The following SIK2 variants were observed in gnomAD, a reference collection of about 807,000 sequenced individuals.
SIK2 encodes the protein salt inducible kinase 2.
Under a neutral mutation model 103.2 loss-of-function variants are expected in SIK2, and 29 were observed. The ratio of observed to expected loss-of-function variants is 0.28; its 90% CI spans 0.21 to 0.38. SIK2 has a LOEUF of 0.38. Among genes scored for constraint, SIK2 ranks in the 10% least tolerant of loss-of-function variants. The pLI is 1.00. For missense variants in SIK2, 879 were observed against 1,171.0 expected (o/e 0.75, Z 3.64); for synonymous variants, 412 against 446.1 (o/e 0.92, Z 0.96).
rs191820653 is a variant in SIK2 at position 111,645,316 on chromosome 11, T to C, written c.316+24914T>C. 9.9e-3 allele frequency among the ~76,000 whole-genome samples: 1,501 copies of C among 152,172 alleles called. 8 individuals carry two copies. The highest frequency in any genetic ancestry group is 0.015 in the Non-Finnish European group (1,019 of 68,016). On this transcript the variant is annotated intron_variant, in intron 3 of 14. Coordinates refer to ENST00000304987, the MANE Select transcript of SIK2 (RefSeq NM_015191.3). ...TAGTTCAAAACTGGAAACAACAAAA[T>C]GTCCATCAACAGTAGAATGGCTCAA...
At chr11:111,670,493 T>A (rs1313445309) in intron 3 of SIK2, among the ~76,000 whole-genome samples, 1 of 152,212 alleles carries the variant, frequency 6.6e-6, no homozygotes, top group Non-Finnish European at 1.5e-5. Flanking sequence ...GCTTGTCTGG[T>A]TAATAGACAC....
At position 111,727,336 on chromosome 11, in the gene SIK2, G is replaced by A; in HGVS notation, c.*3207G>A. The A allele has an allele frequency of 2.1e-6, 1 of 467,732 alleles. No homozygotes were observed. The highest frequency in any genetic ancestry group is 3.8e-6 in the Non-Finnish European group (1 of 261,332). 29.0% of individuals were successfully genotyped at this position (467,732 alleles called of 1,614,324 possible). A position where few individuals can be genotyped will look rare whatever the true frequency, so the allele number is the denominator to read the frequency against. On this transcript the variant is annotated 3_prime_UTR_variant, in exon 15 of 15. Transcript: ENST00000304987. ...CTCTTCCATCCACTTTTGCCTCCTA[G>A]GAAAGAAAAAGTCAGTGGCCCTTTC...
intron 3 of SIK2, among the ~76,000 whole-genome samples, chr11:111,676,988 C>T (rs1361835782): frequency 6.6e-6 from 1 of 152,126 alleles, no homozygotes; most frequent in African/African-American, 2.4e-5. Flanking sequence ...AGTAGTTCAG[C>T]TTAGAGTGAC....
intron 8 of SIK2, among the ~76,000 whole-genome samples, chr11:111,708,943 A>G (rs1051548917): frequency 5.9e-5 from 9 of 152,176 alleles, no homozygotes; most frequent in African/African-American, 2.2e-4. Context: ...TTCCACTGCA[A>G]GTTTCCATCA....
intron 3 of SIK2, chr11:111,672,406 G>A: frequency 2.5e-6 from 1 of 407,670 alleles, no homozygotes. Flanking sequence ...GATGGACACA[G>A]TGGAGGCAGG....
chr11:111,685,538 T>C (rs1380940661), intron 3 of SIK2, among the ~76,000 whole-genome samples: 1 of 152,120 alleles, frequency 6.6e-6, no homozygotes, highest in Non-Finnish European at 1.5e-5. Flanking sequence ...TGGCATTTAA[T>C]TAGAGTTTCG....
chr11:111,675,298 A>G (rs1942687960), intron 3 of SIK2, among the ~76,000 whole-genome samples: 1 of 152,148 alleles, frequency 6.6e-6, no homozygotes, highest in Non-Finnish European at 1.5e-5. Flanking sequence ...GATATGCACC[A>G]CCTATTCTAC....
chr11:111,720,974 T>C lies in SIK2; in HGVS notation c.1856T>C (p.Leu619Ser). 6.2e-7 allele frequency: 1 copy of C among 1,614,176 alleles called. No homozygotes were observed. The highest frequency in any genetic ancestry group is 8.5e-7 in the Non-Finnish European group (1 of 1,180,020). The change falls in exon 12 of 15, where the codon TTG becomes TCG. Residue 619 changes from leucine to serine, a missense_variant. Around this residue, in one of 7 missense-constraint regions of SIK2, gnomAD observed 375 missense variants for 416.3 expected, o/e 0.90. Transcript: ENST00000304987. ...ATTCTAGAGTTGAACAAAGTGCAGT[T>C]GTTGTATGAACAAATAGGACCGGAG... The part of the protein sequence containing the change: ...KGILELNKVQ[L>S]LYEQIGPEAD...
chr11:111,702,022 T>G (rs1158958058), intron 6 of SIK2, among the ~76,000 whole-genome samples: 2 of 152,236 alleles, frequency 1.3e-5, no homozygotes, highest in African/African-American at 2.4e-5. Flanking sequence ...GTTACCTAGA[T>G]AGCAGTTAAG....
chr11:111,656,561 A>G (rs1942394245), intron 3 of SIK2, among the ~76,000 whole-genome samples: 1 of 152,188 alleles, frequency 6.6e-6, no homozygotes, highest in Admixed American at 6.5e-5. Flanking sequence ...ATGTTTTTAG[A>G]GAAACTCATT....
At chr11:111,692,378 A>AAAAAAAAAAAAAAAAAAAAAAAAAAAAC in intron 4 of SIK2, among the ~76,000 whole-genome samples, 1 of 144,338 alleles carries the variant, frequency 6.9e-6, no homozygotes, top group Non-Finnish European at 1.5e-5. Flanking sequence ...AAAAAAAAAA[A>AAAAAAAAAAAAAAAAAAAAAAAAAAAAC]AAAAAAAAAA....
intron 1 of SIK2, among the ~76,000 whole-genome samples, chr11:111,613,117 T>C (rs2135833138): frequency 6.6e-6 from 1 of 152,042 alleles, no homozygotes; most frequent in East Asian, 1.9e-4. Flanking sequence ...CATATATTTT[T>C]CACTTTTTCA....
chr11:111,670,444 T>G (rs990219076), intron 3 of SIK2, among the ~76,000 whole-genome samples: 1 of 152,250 alleles, frequency 6.6e-6, no homozygotes, highest in African/African-American at 2.4e-5. Flanking sequence ...TTTCAAAGAA[T>G]CAAATCCAAA....
At chr11:111,652,518 A>T (rs1326439336) in intron 3 of SIK2, among the ~76,000 whole-genome samples, 1 of 152,184 alleles carries the variant, frequency 6.6e-6, no homozygotes, top group Non-Finnish European at 1.5e-5. Context: ...AAAAACATGG[A>T]TCACTTAGAT....
Position 111,714,472 on chromosome 11 carries a change from T to C in SIK2, c.1266+2097T>C, listed in dbSNP as rs117557096. On this transcript the variant is annotated intron_variant, in intron 9 of 14. Transcript: ENST00000304987. ...AAGTTAGCCTGCATATCACTGTGTGTGCCCCGGTGCAGGGGAGAAACTGGT... is the reference window on the plus strand; with the variant it reads ...AAGTTAGCCTGCATATCACTGTGTGCGCCCCGGTGCAGGGGAGAAACTGGT... Among the ~76,000 whole-genome samples, 1,010 of 152,252 alleles carry C rather than the reference T, an allele frequency of 6.6e-3. 8 individuals carry two copies. Among genetic ancestry groups the C allele is most frequent in the Middle Eastern group, 0.061 (18 of 294 alleles).
At chr11:111,702,225 A>G (rs1376399054) in intron 6 of SIK2, among the ~76,000 whole-genome samples, 4 of 152,166 alleles carry the variant, frequency 2.6e-5, no homozygotes, top group Middle Eastern at 3.2e-3. Context: ...ATCTGCTTCA[A>G]TTTCCCCATC....
chr11:111,656,487 T>TAC (rs1021349792), intron 3 of SIK2, among the ~76,000 whole-genome samples: 61 of 152,214 alleles, frequency 4.0e-4, no homozygotes, highest in African/African-American at 1.4e-3. Context: ...TCTCCCTCTG[T>TAC]ACAACTCACC....
Position 111,723,918 on chromosome 11 carries a change from C to A in SIK2, c.2570C>A (p.Pro857His), listed in dbSNP as rs1362225983. 6.2e-7 allele frequency: 1 copy of A among 1,613,830 alleles called. No individual in the cohort carries two copies. Among genetic ancestry groups the A allele is most frequent in the Admixed American group, 1.7e-5 (1 of 59,980 alleles). ...TGTGAGCTGCCAAGCGCTGCTTCCC[C>A]TGCGCCAGACTATCCCACTCCCTGT... The part of the protein sequence containing the change: ...QTCELPSAAS[P>H]APDYPTPCQY... The change falls in exon 15 of 15, where the codon CCT becomes CAT. Residue 857 changes from proline to histidine, a missense_variant. Pro to His is a moderately conservative substitution (Grantham distance 77). Transcript: ENST00000304987.
intron 3 of SIK2, among the ~76,000 whole-genome samples, chr11:111,641,777 A>G (rs1413503025): frequency 1.3e-5 from 2 of 151,774 alleles, no homozygotes; most frequent in South Asian, 4.2e-4. Flanking sequence ...CTTTTTTCCA[A>G]TTTCATTTCC....
Sources: gnomAD v4.1 joint callset for allele counts (sites outside exome capture counted in the v4.1 genomes callset) on GRCh38, gnomAD v4.1.1 for gene constraint, gnomAD v4.1.1 regional missense constraint, MANE v1.5 for transcripts, NCBI Gene and HGNC (gene_info 2026-07-23, HGNC 2026-07-21) for gene names.